The following C1orf21 variants were observed in gnomAD, a reference collection of about 807,000 sequenced individuals.
C1orf21 encodes the protein uncharacterized protein C1orf21.
A neutral mutation model predicts 18.7 loss-of-function variants in C1orf21; 3 were observed. The observed-to-expected ratio is 0.16, with a 90% CI of 0.07 to 0.42. The LOEUF is 0.42. Ranked by LOEUF, C1orf21 falls within the 10% of genes least tolerant of loss-of-function variation. The probability of loss-of-function intolerance (pLI) is 0.99; values close to 1 mark genes in which losing one functional copy is unlikely to be tolerated. For synonymous variants in C1orf21, 41 were observed against 46.4 expected (o/e 0.88, Z 0.47); for missense variants, 104 against 143.6 (o/e 0.72, Z 1.41).
intron 1 of C1orf21, among the ~76,000 whole-genome samples, chr1:184,402,844 C>G (rs1168825536): frequency 6.6e-6 from 1 of 152,158 alleles, no homozygotes; most frequent in African/African-American, 2.4e-5. Context: ...GATTGACAAG[C>G]ACCTGTCAAT....
intron 1 of C1orf21, among the ~76,000 whole-genome samples, chr1:184,410,663 A>ATATATTTTTTT (rs67546366): frequency 5.2e-4 from 4 of 7,672 alleles, no homozygotes; most frequent in Non-Finnish European, 3.8e-4. Context: ...ATATATATAT[A>ATATATTTTTTT]TTTTTTTTTT....
At chr1:184,563,460 C>T (rs559170196) in intron 3 of C1orf21, among the ~76,000 whole-genome samples, 2 of 152,266 alleles carry the variant, frequency 1.3e-5, no homozygotes, top group South Asian at 4.1e-4. Flanking sequence ...CCACATGCAA[C>T]TCTAAAAATA....
intron 3 of C1orf21, among the ~76,000 whole-genome samples, chr1:184,510,294 C>G (rs984291401): frequency 1.3e-5 from 2 of 152,188 alleles, no homozygotes; most frequent in African/African-American, 4.8e-5. Flanking sequence ...ATTTGATTGC[C>G]TCTTGCAAAG....
chr1:184,500,468 C>A (rs1172379210), intron 2 of C1orf21, among the ~76,000 whole-genome samples: 1 of 152,164 alleles, frequency 6.6e-6, no homozygotes, highest in Non-Finnish European at 1.5e-5. Context: ...TAAGGTCACC[C>A]TTTCCTCCTT....
At chr1:184,495,533 A>G (rs1344577217) in intron 2 of C1orf21, among the ~76,000 whole-genome samples, 2 of 152,128 alleles carry the variant, frequency 1.3e-5, no homozygotes, top group African/African-American at 4.8e-5. Flanking sequence ...ATTAACGTCA[A>G]TATACTTACT....
At chr1:184,392,594 A>T (rs567869114) in intron 1 of C1orf21, among the ~76,000 whole-genome samples, 17 of 152,074 alleles carry the variant, frequency 1.1e-4, no homozygotes, top group Admixed American at 6.6e-4. Context: ...ATCTAAATTT[A>T]AAAAAAATAA....
chr1:184,554,435 GTGGT>G lies in C1orf21; in HGVS notation c.190-36302_190-36299del, dbSNP rs1558001437. Among the ~76,000 whole-genome samples the G allele has an allele frequency of 3.3e-5, 5 of 152,138 alleles. No homozygotes were observed. In the East Asian group the frequency reaches 9.6e-4, roughly 29 times the overall value. On this transcript the variant is annotated intron_variant, in intron 3 of 5. Coordinates refer to ENST00000235307, the MANE Select transcript of C1orf21 (RefSeq NM_030806.4). ...AGAAAGAAGGTAAAGAAACTATTGG[GTGGT>G]TTGGCTAGAGCATAGTAATTAATTG...
chr1:184,587,319 T>G (rs1019017048), intron 3 of C1orf21, among the ~76,000 whole-genome samples: 1 of 151,666 alleles, frequency 6.6e-6, no homozygotes, highest in Non-Finnish European at 1.5e-5. Context: ...TTATTCTAGT[T>G]CTGTGAAGAC....
At chr1:184,492,316 A>G (rs1446055943) in intron 2 of C1orf21, among the ~76,000 whole-genome samples, 2 of 152,106 alleles carry the variant, frequency 1.3e-5, no homozygotes, top group African/African-American at 4.8e-5. Flanking sequence ...GAACTGTGTG[A>G]TTGCTATGGG....
intron 3 of C1orf21, among the ~76,000 whole-genome samples, chr1:184,564,619 C>T (rs4650668): frequency 0.063 from 9,587 of 152,180 alleles, 376 homozygotes; most frequent in African/African-American, 0.072. Context: ...AATAATAATT[C>T]TCTAAGGCTA....
At chr1:184,438,735 T>C (rs1267241150) in intron 1 of C1orf21, among the ~76,000 whole-genome samples, 1 of 152,138 alleles carries the variant, frequency 6.6e-6, no homozygotes, top group Non-Finnish European at 1.5e-5. Context: ...GTTTTGGTCT[T>C]TCTTAAATTA....
chr1:184,607,267 C>T (rs1290190579), intron 5 of C1orf21, among the ~76,000 whole-genome samples: 1 of 152,156 alleles, frequency 6.6e-6, no homozygotes, highest in Non-Finnish European at 1.5e-5. Context: ...TGAAAACAGG[C>T]ACAGGGAGCC....
chr1:184,492,524 G>C (rs949476904), intron 2 of C1orf21, among the ~76,000 whole-genome samples: 3 of 152,176 alleles, frequency 2.0e-5, no homozygotes, highest in Non-Finnish European at 4.4e-5. Context: ...TTATGGTCCA[G>C]AGTTGACCAA....
chr1:184,555,475 A>G (rs1283244673), intron 3 of C1orf21, among the ~76,000 whole-genome samples: 1 of 152,154 alleles, frequency 6.6e-6, no homozygotes, highest in African/African-American at 2.4e-5. Flanking sequence ...TCTTCTCCAA[A>G]GTCCACTCTT....
chr1:184,458,167 G>A (rs1657249673), intron 1 of C1orf21, among the ~76,000 whole-genome samples: 1 of 152,172 alleles, frequency 6.6e-6, no homozygotes, highest in African/African-American at 2.4e-5. Context: ...AGTGTCCTGT[G>A]CTAAGTGTGG....
At chr1:184,576,781 T>C (rs1235400670) in intron 3 of C1orf21, among the ~76,000 whole-genome samples, 2 of 152,204 alleles carry the variant, frequency 1.3e-5, no homozygotes, top group African/African-American at 4.8e-5. Flanking sequence ...TCAGATCCAC[T>C]CTTGTGACTT....
In C1orf21 at chr1:184,588,451, G is replaced by A. The variant is rs1310530596; in HGVS notation, c.190-2288G>A. 3.3e-5 allele frequency among the ~76,000 whole-genome samples: 5 copies of A among 152,116 alleles called. No individual in the cohort carries two copies. The East Asian group carries it at 9.6e-4, about 29-fold the overall frequency. On this transcript the variant is annotated intron_variant, in intron 3 of 5. Transcript: ENST00000235307. ...AAAGGGTCTTGACCCTAAAAAGTTT[G>A]AGAAATGCTGAGCTAGTAGTGAACA... is the stretch of plus-strand genomic sequence containing the variant.
At chr1:184,403,010 G>T (rs1232976132) in intron 1 of C1orf21, among the ~76,000 whole-genome samples, 1 of 152,204 alleles carries the variant, frequency 6.6e-6, no homozygotes, top group African/African-American at 2.4e-5. Flanking sequence ...AAGGAGTAGG[G>T]CAGGTAGCAA....
chr1:184,425,137 T>C (rs562611457), intron 1 of C1orf21, among the ~76,000 whole-genome samples: 46 of 152,210 alleles, frequency 3.0e-4, no homozygotes, highest in Non-Finnish European at 4.9e-4. Context: ...TCCCATGTGA[T>C]TGGGTGATGT....
Sources: allele counts gnomAD v4.1 joint callset (sites outside exome capture counted in the v4.1 genomes callset), GRCh38; gene constraint gnomAD v4.1.1; transcripts MANE v1.5; gene names NCBI Gene and HGNC (gene_info 2026-07-23, HGNC 2026-07-21).